The following NEMP2 variants were observed in gnomAD, a reference collection of about 807,000 sequenced individuals.
The protein encoded by NEMP2 is nuclear envelope integral membrane protein 2.
A neutral mutation model predicts 54.2 loss-of-function variants in NEMP2; 53 were observed. The ratio of observed to expected loss-of-function variants is 0.98; its 90% CI spans 0.78 to 1.23. The LOEUF is 1.23. NEMP2 is among the 50% of genes most tolerant of loss of function. NEMP2 has a pLI of 0.00. For synonymous variants in NEMP2, 197 were observed against 190.3 expected, an observed-to-expected ratio of 1.04 and a Z score of -0.29; for missense variants, 455 against 511.3, an observed-to-expected ratio of 0.89 and a Z score of 1.06.
At chr2:190,588,383 GT>G in the NEMP2 span, among the ~76,000 whole-genome samples, 1 of 152,136 alleles carries the variant, frequency 6.6e-6, no homozygotes, top group African/African-American at 2.4e-5. The surrounding 1 kb of genome is among the most constrained non-coding windows in gnomAD (Gnocchi z 5.0). Flanking sequence ...CCTAAGCTAG[GT>G]TAAGGAAAAA....
chr2:190,645,338 T>C, the NEMP2 span, among the ~76,000 whole-genome samples: 1 of 152,206 alleles, frequency 6.6e-6, no homozygotes. Flanking sequence ...TATTAACCCT[T>C]TGTAATTTAT....
At chr2:190,552,026 G>A in the NEMP2 span, among the ~76,000 whole-genome samples, 1 of 152,210 alleles carries the variant, frequency 6.6e-6, no homozygotes, top group Non-Finnish European at 1.5e-5. Context: ...GGCAGGTCAT[G>A]TTTCTAGAGA....
At chr2:190,614,407 T>C in the NEMP2 span, among the ~76,000 whole-genome samples, 2 of 152,204 alleles carry the variant, frequency 1.3e-5, no homozygotes, top group African/African-American at 4.8e-5. The surrounding 1 kb of genome is among the most constrained non-coding windows in gnomAD (Gnocchi z 5.7). Context: ...TAAAAACTTT[T>C]GCTCAAAACG....
At chr2:190,534,803 A>T (rs1383809530), upstream of NEMP2, 2 of 546,296 alleles carry the variant, frequency 3.7e-6, no homozygotes, top group Non-Finnish European at 5.5e-6. Context: ...CCCGGGGCGG[A>T]GGGAGAGTTG....
chr2:190,549,881 C>T, the NEMP2 span, among the ~76,000 whole-genome samples: 1 of 152,148 alleles, frequency 6.6e-6, no homozygotes, highest in Non-Finnish European at 1.5e-5. Context: ...AGACTACAGT[C>T]CAGGCATTAA....
chr2:190,482,868 C>CT, the NEMP2 span, among the ~76,000 whole-genome samples: 110 of 48,276 alleles, frequency 2.3e-3, 22 homozygotes, highest in African/African-American at 9.1e-3. Flanking sequence ...AGACTATCAT[C>CT]TTTTTTTTTT....
chr2:190,588,375 T>C, the NEMP2 span, among the ~76,000 whole-genome samples: 8 of 152,202 alleles, frequency 5.3e-5, no homozygotes, highest in Non-Finnish European at 1.0e-4. The surrounding 1 kb of genome is among the most constrained non-coding windows in gnomAD (Gnocchi z 5.0). Flanking sequence ...TCCCCTGACC[T>C]AAGCTAGGTT....
At chr2:190,467,636 G>T in the NEMP2 span, among the ~76,000 whole-genome samples, 1 of 152,020 alleles carries the variant, frequency 6.6e-6, no homozygotes, top group Non-Finnish European at 1.5e-5. This position sits in a 1 kb window ranked among gnomAD's most constrained non-coding sequence, Gnocchi z 5.5. Flanking sequence ...GAATTAAGGA[G>T]CGAGGCCAGG....
At chr2:190,594,450 T>C in the NEMP2 span, among the ~76,000 whole-genome samples, 2 of 152,230 alleles carry the variant, frequency 1.3e-5, no homozygotes, top group Non-Finnish European at 2.9e-5. The surrounding 1 kb of genome is among the most constrained non-coding windows in gnomAD (Gnocchi z 5.6). Flanking sequence ...AAACACATTA[T>C]AGGCACTTGG....
At chr2:190,541,019 A>G in the NEMP2 span, among the ~76,000 whole-genome samples, 1 of 152,048 alleles carries the variant, frequency 6.6e-6, no homozygotes, top group African/African-American at 2.4e-5. The surrounding 1 kb of genome is among the most constrained non-coding windows in gnomAD (Gnocchi z 5.2). Flanking sequence ...ATACTCATTC[A>G]CATTAGTCTC....
At chr2:190,569,654 C>T in the NEMP2 span, among the ~76,000 whole-genome samples, 1 of 152,190 alleles carries the variant, frequency 6.6e-6, no homozygotes, top group African/African-American at 2.4e-5. Flanking sequence ...GAAAAACCCA[C>T]CTCTTTTCCT....
the NEMP2 span, among the ~76,000 whole-genome samples, chr2:190,550,945 A>T: frequency 2.0e-5 from 3 of 152,164 alleles, no homozygotes; most frequent in South Asian, 6.2e-4. The surrounding 1 kb of genome is among the most constrained non-coding windows in gnomAD (Gnocchi z 4.7). Context: ...ATGTTGGTTC[A>T]TATTGTATTC....
Position 190,516,331 on chromosome 2 carries a change from A to G in NEMP2, c.666T>C (p.Ile222=), listed in dbSNP as rs1008728641. The change falls in exon 6 of 9, where the codon ATT becomes ATC. Residue 222 remains isoleucine, a synonymous_variant. Coordinates refer to ENST00000409150, the MANE Select transcript of NEMP2 (RefSeq NM_001142645.2). ...MVGCWFASVY[I]VCQLMEDLKW... ...TCAGATCTTCCATCAACTGGCATAC[A>G]ATATAAACTGAGGCAAACCAACAAC... 38 of 1,551,584 alleles carry G rather than the reference A, an allele frequency of 2.4e-5. 1 individual carries two copies. The highest frequency in any genetic ancestry group is 5.9e-5 in the Admixed American group (3 of 50,978).
the NEMP2 span, among the ~76,000 whole-genome samples, chr2:190,575,150 C>G: frequency 6.6e-6 from 1 of 152,124 alleles, no homozygotes; most frequent in Non-Finnish European, 1.5e-5. Flanking sequence ...CCACCGTGCC[C>G]AGCCGACTCT....
chr2:190,444,508 T>C, the NEMP2 span, among the ~76,000 whole-genome samples: 63 of 152,374 alleles, frequency 4.1e-4, 2 homozygotes, highest in African/African-American at 1.4e-3. Context: ...GGAAGGTGGA[T>C]TGCAGATGTA....
At chr2:190,593,672 G>A in the NEMP2 span, among the ~76,000 whole-genome samples, 1 of 152,176 alleles carries the variant, frequency 6.6e-6, no homozygotes, top group Non-Finnish European at 1.5e-5. This position sits in a 1 kb window ranked among gnomAD's most constrained non-coding sequence, Gnocchi z 4.5. Flanking sequence ...AATGGACACT[G>A]AGAGATAGTA....
At chr2:190,517,778 G>A (rs998530391) in intron 4 of NEMP2, among the ~76,000 whole-genome samples, 165 bp from the exon 5 acceptor site, 1 of 152,174 alleles carries the variant, frequency 6.6e-6, no homozygotes, top group South Asian at 2.1e-4. Context: ...ATGGGTACTT[G>A]AAATTTATGG....
chr2:190,518,990 T>C lies in NEMP2; in HGVS notation c.407A>G (p.Lys136Arg), dbSNP rs1690661566. 6.4e-7 allele frequency: 1 copy of C among 1,551,408 alleles called. No individual in the cohort carries two copies. Among genetic ancestry groups the C allele is most frequent in the Non-Finnish European group, 8.7e-7 (1 of 1,146,918 alleles). The change falls in exon 3 of 9, where the codon AAG becomes AGG. Residue 136 changes from lysine (K) to arginine (R), a missense_variant. Lys to Arg is a conservative substitution (Grantham distance 26). Around this residue, in one of 3 missense-constraint regions of NEMP2, gnomAD observed 61 missense variants for 97.5 expected, o/e 0.63. Coordinates refer to ENST00000409150, the MANE Select transcript of NEMP2 (RefSeq NM_001142645.2). ...ETVCFSVEPV[K>R]KIFNYMIHVN... ...ATGTATCATATAGTTAAATATCTTC[T>C]TGACAGGCTCCACAGAGAAGCACAC...
At chr2:190,623,625 G>A in the NEMP2 span, among the ~76,000 whole-genome samples, 43 of 152,136 alleles carry the variant, frequency 2.8e-4, no homozygotes, top group African/African-American at 9.7e-4. Flanking sequence ...GCAGAAGAAT[G>A]AAGCTAACCT....
Sources: allele counts gnomAD v4.1 joint callset (sites outside exome capture counted in the v4.1 genomes callset), GRCh38; gene constraint gnomAD v4.1.1; regional missense constraint gnomAD v4.1.1; non-coding constraint Gnocchi (gnomAD v3.1); transcripts MANE v1.5; gene names NCBI Gene and HGNC (gene_info 2026-07-23, HGNC 2026-07-21).